Variants in KIF6 observed in about 807,000 individuals in gnomAD.
The protein encoded by KIF6 is kinesin-like protein KIF6.
KIF6 carries 106 observed loss-of-function variants against 112.7 expected under a neutral mutation model. The observed-to-expected ratio is 0.94, with a 90% CI of 0.80 to 1.11. KIF6 has a LOEUF of 1.11. Among genes scored for constraint, KIF6 ranks in the 50% least tolerant of loss-of-function variants. The probability of loss-of-function intolerance (pLI) is 0.00; values close to 1 mark genes in which losing one functional copy is unlikely to be tolerated. For missense variants in KIF6, 929 were observed against 964.0 expected (o/e 0.96, Z 0.48); for synonymous variants, 339 against 339.9 (o/e 1.00, Z 0.03).
chr6:39,500,114 T>C (rs1776034752), intron 13 of KIF6, among the ~76,000 whole-genome samples: 1 of 152,102 alleles, frequency 6.6e-6, no homozygotes, highest in Non-Finnish European at 1.5e-5. Flanking sequence ...GAGAAAGGGC[T>C]TGGCGCTGTG....
At chr6:39,632,655 C>T (rs1784420804) in intron 5 of KIF6, among the ~76,000 whole-genome samples, 1 of 152,024 alleles carries the variant, frequency 6.6e-6, no homozygotes, top group East Asian at 1.9e-4. Flanking sequence ...TTGTCTAAGG[C>T]CCTCAGAAAA....
In KIF6 at chr6:39,431,167, T is replaced by G; in HGVS notation, c.1646-6A>C. On this transcript the variant is annotated splice_region_variant and splice_polypyrimidine_tract_variant and intron_variant, in intron 13 of 22. Coordinates refer to ENST00000287152, the MANE Select transcript of KIF6 (RefSeq NM_145027.6). The stretch of plus-strand genomic sequence containing the variant: ...TGACATTTCCTCTCTCATTCCTGTT[T>G]GGAGACACAGGGAAATGGCCTCAGT... 1 of 1,544,452 alleles carries G rather than the reference T, an allele frequency of 6.5e-7. No individual in the cohort carries two copies. Among genetic ancestry groups the G allele is most frequent in the Non-Finnish European group, 9.0e-7 (1 of 1,116,876 alleles).
rs1268921345 is a variant in KIF6, at chr6:39,596,273, T to C, written c.640-13A>G. On this transcript the variant is annotated splice_polypyrimidine_tract_variant and intron_variant, in intron 6 of 22. Transcript: ENST00000287152. The stretch of plus-strand genomic sequence containing the variant: ...GGTTCATAGGAGTCTATAAAAAAAT[T>C]GCAAAACAAAAATTATTTGAACAAT... 1 of 1,576,804 alleles carries C rather than the reference T, an allele frequency of 6.3e-7. No homozygotes were observed. The highest frequency in any genetic ancestry group is 1.7e-5 in the Admixed American group (1 of 58,384).
chr6:39,419,914 T>C (rs1336595258), intron 15 of KIF6, 34 bp downstream of exon 15: 2 of 1,577,836 alleles, frequency 1.3e-6, no homozygotes, highest in East Asian at 2.2e-5. Context: ...GAAAATGGTT[T>C]CTGAAAGAGG....
chr6:39,515,592 T>C lies in KIF6; in HGVS notation c.1645+24411A>G, dbSNP rs1582027346. On this transcript the variant is annotated intron_variant, in intron 13 of 22. Transcript: ENST00000287152. ...TGCACTATCCTAATAGAAAAAGCCA[T>C]CTCAAACACTTCTCTTATATAGTAT... Among the ~76,000 whole-genome samples, 3 of 152,204 alleles carry C rather than the reference T, an allele frequency of 2.0e-5. No homozygotes were observed. The East Asian group carries it at 5.8e-4, about 29-fold the overall frequency.
rs1469849264 is a variant in KIF6, at chr6:39,539,997, A to T, written c.1645+6T>A. ...ATGAGAAATACTGGAAATTTAGTCA[A>T]CTGACCTATTTTCTTGTGGAGCAAA... On this transcript the variant is annotated splice_donor_region_variant and intron_variant, in intron 13 of 22. Transcript: ENST00000287152. The T allele has an allele frequency of 6.3e-7, 1 of 1,588,290 alleles. No individual in the cohort carries two copies. Among genetic ancestry groups the T allele is most frequent in the African/African-American group, 1.4e-5 (1 of 73,754 alleles).
At chr6:39,682,537 A>G (rs1787587919) in intron 3 of KIF6, among the ~76,000 whole-genome samples, 1 of 152,216 alleles carries the variant, frequency 6.6e-6, no homozygotes, top group African/African-American at 2.4e-5. Context: ...CGAACTATGA[A>G]GAGAATGCAA....
intron 6 of KIF6, 50 bp downstream of exon 6, chr6:39,613,139 A>T (rs753607729): frequency 4.3e-6 from 6 of 1,401,684 alleles, no homozygotes; most frequent in Admixed American, 5.3e-5. Flanking sequence ...GGCTTCAGAT[A>T]CTGTATCTTA....
intron 3 of KIF6, among the ~76,000 whole-genome samples, chr6:39,700,718 T>A (rs367892702): frequency 2.4e-4 from 1 of 4,186 alleles, no homozygotes; most frequent in Admixed American, 5.3e-3. Context: ...ATAATTTTAA[T>A]TTTTTTTTTT....
At chr6:39,466,199 G>A (rs1003077930) in intron 13 of KIF6, among the ~76,000 whole-genome samples, 1 of 152,148 alleles carries the variant, frequency 6.6e-6, no homozygotes. Context: ...TTCTGATAAA[G>A]CTTTATGTAA....
chr6:39,677,258 A>T (rs1345373807), intron 3 of KIF6, among the ~76,000 whole-genome samples: 1 of 152,094 alleles, frequency 6.6e-6, no homozygotes, highest in African/African-American at 2.4e-5. Context: ...GATTTTCAGG[A>T]AGGTGAAACA....
At chr6:39,486,936 T>C (rs1775147884) in intron 13 of KIF6, among the ~76,000 whole-genome samples, 1 of 152,202 alleles carries the variant, frequency 6.6e-6, no homozygotes, top group African/African-American at 2.4e-5. Context: ...TAAATGTACA[T>C]TTATTACTGC....
chr6:39,447,650 GAA>G (rs10714699), intron 13 of KIF6, among the ~76,000 whole-genome samples: 3 of 150,572 alleles, frequency 2.0e-5, no homozygotes, highest in African/African-American at 7.3e-5. Context: ...CTTGGGGGAG[GAA>G]AAAAAAATAC....
intron 17 of KIF6, among the ~76,000 whole-genome samples, chr6:39,360,886 TGA>T (rs2150258571): frequency 6.6e-6 from 1 of 152,196 alleles, no homozygotes; most frequent in East Asian, 1.9e-4. Context: ...CACAACCCTA[TGA>T]AGGAGATACT....
intron 3 of KIF6, among the ~76,000 whole-genome samples, chr6:39,647,302 T>C (rs1194820969): frequency 6.6e-6 from 1 of 151,968 alleles, no homozygotes; most frequent in South Asian, 2.1e-4. Context: ...CTTTGAGAGG[T>C]CTGTTTTTCT....
chr6:39,706,355 C>T (rs911350357), intron 3 of KIF6, among the ~76,000 whole-genome samples: 15 of 152,216 alleles, frequency 9.9e-5, no homozygotes, highest in Middle Eastern at 3.4e-3. Context: ...ACATTCTATA[C>T]TGGTTACATC....
At chr6:39,687,353 G>A (rs1167455982) in intron 3 of KIF6, among the ~76,000 whole-genome samples, 1 of 152,074 alleles carries the variant, frequency 6.6e-6, no homozygotes, top group East Asian at 1.9e-4. Context: ...CCCAACATCG[G>A]GCTCTTAAGA....
chr6:39,603,614 A>AT (rs1782705251), intron 6 of KIF6, among the ~76,000 whole-genome samples: 2 of 151,572 alleles, frequency 1.3e-5, no homozygotes, highest in Non-Finnish European at 2.9e-5. Flanking sequence ...GCAAAAAAGA[A>AT]TTTTTTTCTT....
intron 10 of KIF6, chr6:39,554,610 G>A (rs1205153632): frequency 6.5e-6 from 1 of 153,044 alleles, no homozygotes; most frequent in Non-Finnish European, 1.5e-5. Context: ...GGCAGCATGA[G>A]ACACTGGCCC....
Sources: allele counts gnomAD v4.1 joint callset (sites outside exome capture counted in the v4.1 genomes callset), GRCh38; gene constraint gnomAD v4.1.1; transcripts MANE v1.5; gene names NCBI Gene and HGNC (gene_info 2026-07-23, HGNC 2026-07-21).